The following TUSC3 variants were observed in gnomAD, a reference collection of about 807,000 sequenced individuals.
The protein encoded by TUSC3 is tumor suppressor candidate 3, also known as dolichyl-diphosphooligosaccharide--protein glycosyltransferase subunit TUSC3.
In TUSC3, 45 loss-of-function variants were observed where a neutral mutation model predicts 44.8. The observed-to-expected ratio is 1.00, with a 90% CI of 0.79 to 1.29. TUSC3 has a LOEUF of 1.29. Among genes scored for constraint, TUSC3 ranks in the 50% most tolerant of loss-of-function variants. The pLI, the probability that TUSC3 is intolerant of heterozygous loss-of-function variation, is 0.00. For synonymous variants in TUSC3, 212 were observed against 152.9 expected (o/e 1.39, Z -2.85); for missense variants, 519 against 437.9 (o/e 1.19, Z -1.65).
the TUSC3 span, among the ~76,000 whole-genome samples, chr8:15,819,681 C>G: frequency 6.6e-6 from 1 of 152,172 alleles, no homozygotes; most frequent in African/African-American, 2.4e-5. Flanking sequence ...GTTAATGAAA[C>G]TTTCATTCAC....
chr8:15,833,001 C>T, the TUSC3 span, among the ~76,000 whole-genome samples: 1 of 152,110 alleles, frequency 6.6e-6, no homozygotes, highest in East Asian at 1.9e-4. Context: ...TGACATGGCA[C>T]TTACTCTAAA....
At chr8:15,433,166 T>C (rs556164752) in intron 1 of TUSC3, among the ~76,000 whole-genome samples, 5 of 152,250 alleles carry the variant, frequency 3.3e-5, no homozygotes, top group Non-Finnish European at 5.9e-5. Flanking sequence ...TTTTTAAAGA[T>C]GATATTTTGG....
chr8:15,423,163 T>G (rs1284016038), intron 1 of TUSC3, among the ~76,000 whole-genome samples: 4 of 152,198 alleles, frequency 2.6e-5, no homozygotes, highest in African/African-American at 9.6e-5. Context: ...CATTTTAGAA[T>G]CTGTTCATTT....
chr8:15,559,512 G>A (rs201081845), intron 1 of TUSC3, among the ~76,000 whole-genome samples: 3,112 of 118,202 alleles, frequency 0.026, 41 homozygotes, highest in East Asian at 0.035. Flanking sequence ...GTAGATGTCT[G>A]TTAGGTCCGC....
the TUSC3 span, among the ~76,000 whole-genome samples, chr8:15,787,717 C>A: frequency 1.3e-5 from 2 of 152,150 alleles, no homozygotes; most frequent in Non-Finnish European, 2.9e-5. Flanking sequence ...CACAGGGTAT[C>A]TACTGTTAGA....
At chr8:15,590,954 T>C (rs113135446) in intron 1 of TUSC3, among the ~76,000 whole-genome samples, 1 of 152,264 alleles carries the variant, frequency 6.6e-6, no homozygotes, top group African/African-American at 2.4e-5. Context: ...AATTATAGGC[T>C]TGAGGCACTG....
rs561263054 is a variant in TUSC3, at chr8:15,661,499, A to G, written c.568-657A>G. ...TTCTGCTCATGCATCCTTGAGTATA[A>G]TATTACATAGGTCCTGTTTTGTTTT... is the stretch of plus-strand genomic sequence containing the variant. On this transcript the variant is annotated intron_variant, in intron 4 of 10. Transcript: ENST00000503731. Among the ~76,000 whole-genome samples the G allele has an allele frequency of 3.9e-5, 6 of 152,024 alleles. 1 individual carries two copies. In the East Asian group the frequency reaches 1.2e-3, roughly 29 times the overall value.
At position 15,750,129 on chromosome 8, in the gene TUSC3, G is replaced by A. The variant is rs544606698; in HGVS notation, c.1028+1664G>A. ...CGAGTAGCTGGGACTACGGGTGCCC[G>A]CCACCATGCCTGGCTAATTTTTTGT... is the stretch of plus-strand genomic sequence containing the variant. On this transcript the variant is annotated intron_variant, in intron 9 of 10. Transcript: ENST00000503731. Among the ~76,000 whole-genome samples the A allele has an allele frequency of 2.5e-3, 378 of 151,148 alleles. 1 individual carries two copies. Among genetic ancestry groups the A allele is most frequent in the African/African-American group, 8.3e-3 (343 of 41,126 alleles).
rs530417332 is a variant in TUSC3, at chr8:15,583,825, T to C, written c.139-39255T>C. Among the ~76,000 whole-genome samples the C allele has an allele frequency of 4.6e-5, 7 of 152,298 alleles. No individual in the cohort carries two copies. The East Asian group carries it at 1.4e-3, about 29-fold the overall frequency. ...AAGTATAAGCCATTTATGTATATCCTAAAACCAGAAAAAAACCACAAACCC... is the reference window on the plus strand; with the variant it reads ...AAGTATAAGCCATTTATGTATATCCCAAAACCAGAAAAAAACCACAAACCC... On this transcript the variant is annotated intron_variant, in intron 1 of 10. Transcript: ENST00000503731.
chr8:15,554,710 C>T (rs1448844669), intron 1 of TUSC3, among the ~76,000 whole-genome samples: 2 of 146,428 alleles, frequency 1.4e-5, no homozygotes, highest in South Asian at 2.2e-4. Flanking sequence ...TCACACCATT[C>T]TCCTGCCTCA....
intron 1 of TUSC3, among the ~76,000 whole-genome samples, chr8:15,578,417 T>G (rs1234848545): frequency 8.5e-6 from 1 of 118,014 alleles, no homozygotes; most frequent in African/African-American, 3.5e-5. Flanking sequence ...ATGCTTCCAG[T>G]TTTTGCCCAT....
chr8:15,593,438 C>G (rs1025642328), intron 1 of TUSC3, among the ~76,000 whole-genome samples: 1 of 152,052 alleles, frequency 6.6e-6, no homozygotes. Flanking sequence ...AATAATATGG[C>G]CTGTGTTTTC....
chr8:15,483,649 A>AG, intron 2 of TUSC3, among the ~76,000 whole-genome samples: 1 of 66,160 alleles, frequency 1.5e-5, no homozygotes. Context: ...TAGCACTGTG[A>AG]TTTTTTTTTT....
At chr8:15,832,541 C>G in the TUSC3 span, among the ~76,000 whole-genome samples, 1 of 152,174 alleles carries the variant, frequency 6.6e-6, no homozygotes, top group Non-Finnish European at 1.5e-5. Context: ...AGAGACCCAT[C>G]TCACATGCAA....
chr8:15,606,818 T>C (rs566901440), intron 1 of TUSC3, among the ~76,000 whole-genome samples: 1 of 152,242 alleles, frequency 6.6e-6, no homozygotes, highest in East Asian at 1.9e-4. Context: ...GTATGTATTA[T>C]AAATGTGACT....
chr8:15,634,173 G>C (rs1451592968), intron 2 of TUSC3, among the ~76,000 whole-genome samples: 1 of 152,184 alleles, frequency 6.6e-6, no homozygotes, highest in African/African-American at 2.4e-5. Context: ...CCTGGGGAGT[G>C]TATGTAGTGC....
chr8:15,741,761 A>T (rs1395575603), intron 7 of TUSC3, among the ~76,000 whole-genome samples: 2 of 152,222 alleles, frequency 1.3e-5, no homozygotes, highest in African/African-American at 4.8e-5. Flanking sequence ...TAGTTTAAAT[A>T]TGTGTATTTA....
chr8:15,777,615 G>A, the TUSC3 span, among the ~76,000 whole-genome samples: 1 of 152,096 alleles, frequency 6.6e-6, no homozygotes, highest in African/African-American at 2.4e-5. Context: ...TTTACTTTTT[G>A]AAATTTTTGC....
At chr8:15,756,682 A>G (rs1314890637) in intron 9 of TUSC3, among the ~76,000 whole-genome samples, 3 of 152,150 alleles carry the variant, frequency 2.0e-5, no homozygotes, top group Admixed American at 2.0e-4. Context: ...CTTCCATTAA[A>G]TGCAACTGGA....
Sources: gnomAD v4.1 joint callset for allele counts (sites outside exome capture counted in the v4.1 genomes callset) on GRCh38, gnomAD v4.1.1 for gene constraint, MANE v1.5 for transcripts, NCBI Gene and HGNC (gene_info 2026-07-23, HGNC 2026-07-21) for gene names.